Variants in ITGB8 observed in about 807,000 individuals in gnomAD.
ITGB8 encodes integrin subunit beta 8.
Under a neutral mutation model 89.5 loss-of-function variants are expected in ITGB8, and 30 were observed. The ratio of observed to expected loss-of-function variants is 0.34; its 90% CI spans 0.25 to 0.45. The LOEUF is 0.45. Ranked by LOEUF, ITGB8 falls within the 20% of genes least tolerant of loss-of-function variation. The pLI, the probability that ITGB8 is intolerant of heterozygous loss-of-function variation, is 1.00. For synonymous variants in ITGB8, 335 were observed against 320.4 expected, an observed-to-expected ratio of 1.05 and a Z score of -0.49; for missense variants, 836 against 933.3, an observed-to-expected ratio of 0.90 and a Z score of 1.36.
At chr7:20,409,188 C>A (rs901817199) in intron 12 of ITGB8, among the ~76,000 whole-genome samples, 6 of 152,204 alleles carry the variant, frequency 3.9e-5, no homozygotes, top group Non-Finnish European at 7.3e-5. Context: ...GAAACATATC[C>A]TAAGGCCCAG....
upstream of ITGB8, among the ~76,000 whole-genome samples, chr7:20,329,959 G>A (rs965950994): frequency 1.3e-5 from 2 of 152,076 alleles, no homozygotes; most frequent in Non-Finnish European, 2.9e-5. Flanking sequence ...CTAAATTTCT[G>A]AGCTGCAAGC....
intron 3 of ITGB8, among the ~76,000 whole-genome samples, chr7:20,370,634 G>A (rs973127310): frequency 3.8e-5 from 4 of 103,904 alleles, no homozygotes; most frequent in Non-Finnish European, 8.6e-5. Flanking sequence ...ATTTTGAGAC[G>A]GAGTCTCCCT....
At chr7:20,355,838 C>T (rs1785274437) in intron 1 of ITGB8, among the ~76,000 whole-genome samples, 1 of 152,214 alleles carries the variant, frequency 6.6e-6, no homozygotes, top group Non-Finnish European at 1.5e-5. Context: ...TTTTGAATTT[C>T]ATGAATATTG....
At position 20,380,870 on chromosome 7, in the gene ITGB8, C is replaced by A. The variant is rs11980644; in HGVS notation, c.801+39C>A. 6.5e-3 allele frequency: 9,955 copies of A among 1,525,216 alleles called. 529 individuals are homozygous for A. The African/African-American group carries it at 0.12, about 18-fold the overall frequency. 94.5% of individuals were successfully genotyped at this position (1,525,216 alleles called of 1,614,324 possible). A position where few individuals can be genotyped will look rare whatever the true frequency, so the allele number is the denominator to read the frequency against. On this transcript the variant is annotated intron_variant, in intron 5 of 13. Transcript: ENST00000222573. ...CATGATCGAGTGTTTGCTAAGATGC[C>A]AAACTTTCAAAGAATTTAGACGTTT...
At chr7:20,390,689 T>C (rs1459182655) in intron 6 of ITGB8, among the ~76,000 whole-genome samples, 1 of 152,110 alleles carries the variant, frequency 6.6e-6, no homozygotes, top group African/African-American at 2.4e-5. Flanking sequence ...GCTATTAGTT[T>C]TGATCACTTA....
chr7:20,401,125 C>T (rs868529080), intron 9 of ITGB8, among the ~76,000 whole-genome samples: 28 of 152,172 alleles, frequency 1.8e-4, no homozygotes, highest in African/African-American at 5.1e-4. Context: ...ACTACAGGTG[C>T]GCGCCACCAT....
At chr7:20,370,338 A>G (rs1785877754) in intron 3 of ITGB8, among the ~76,000 whole-genome samples, 2 of 151,736 alleles carry the variant, frequency 1.3e-5, no homozygotes, top group African/African-American at 4.8e-5. Flanking sequence ...AAGTCTTGAG[A>G]TAATTTTCTA....
rs780972981 is a variant in ITGB8 at position 20,380,814 on chromosome 7, C to G, written c.784C>G (p.Gln262Glu). ...TPEGGFDAML[Q>E]AAVCESHIGW... Reference sequence around the variant, plus strand: ...AGAAGGAGGTTTTGACGCCATGCTTCAGGCAGCTGTCTGTGAAGTAAGACG... The same window carrying G: ...AGAAGGAGGTTTTGACGCCATGCTTGAGGCAGCTGTCTGTGAAGTAAGACG... The change falls in exon 5 of 14, where the codon CAG becomes GAG. Residue 262 changes from glutamine (Q) to glutamate (E), a missense_variant. This residue lies in a region of ITGB8 where 192 missense variants were observed against 267.1 expected (regional missense o/e 0.72). Transcript: ENST00000222573. 2 of 1,612,468 alleles carry G rather than the reference C, an allele frequency of 1.2e-6. No individual in the cohort carries two copies. Among genetic ancestry groups the G allele is most frequent in the Non-Finnish European group, 1.7e-6 (2 of 1,179,184 alleles).
At chr7:20,399,753 A>G (rs1321411898) in intron 9 of ITGB8, among the ~76,000 whole-genome samples, 1 of 152,146 alleles carries the variant, frequency 6.6e-6, no homozygotes, top group Non-Finnish European at 1.5e-5. Context: ...GTCATGAGGC[A>G]TTGTCTCATG....
intron 1 of ITGB8, among the ~76,000 whole-genome samples, chr7:20,350,486 C>G (rs17364847): frequency 6.6e-6 from 1 of 152,042 alleles, no homozygotes; most frequent in Non-Finnish European, 1.5e-5. Context: ...CTATTATAAA[C>G]TGTATCTTAA....
At chr7:20,406,748 CAG>C (rs1787561229) in intron 12 of ITGB8, among the ~76,000 whole-genome samples, 1 of 152,058 alleles carries the variant, frequency 6.6e-6, no homozygotes, top group African/African-American at 2.4e-5. Context: ...AACTGAGGCT[CAG>C]GGAAATTTTG....
chr7:20,340,648 G>A (rs1393262097), intron 1 of ITGB8, among the ~76,000 whole-genome samples: 1 of 151,996 alleles, frequency 6.6e-6, no homozygotes, highest in Admixed American at 6.6e-5. Flanking sequence ...ATCTTTCCTT[G>A]GAATTGAACC....
At chr7:20,374,627 G>C (rs1456274128) in intron 3 of ITGB8, among the ~76,000 whole-genome samples, 4 of 152,160 alleles carry the variant, frequency 2.6e-5, no homozygotes, top group Non-Finnish European at 5.9e-5. Context: ...GCAGATTACT[G>C]AGTGGTGTCT....
At chr7:20,393,888 T>C (rs908079699) in intron 7 of ITGB8, among the ~76,000 whole-genome samples, 1 of 152,216 alleles carries the variant, frequency 6.6e-6, no homozygotes, top group Non-Finnish European at 1.5e-5. Context: ...AGGTATCCCT[T>C]TCATTAGGGT....
intron 1 of ITGB8, among the ~76,000 whole-genome samples, chr7:20,339,023 C>G (rs746401557): frequency 3.3e-4 from 50 of 152,114 alleles, no homozygotes; most frequent in Non-Finnish European, 5.9e-4. Flanking sequence ...GAAACCCTGT[C>G]TCTACTAAAA....
intron 3 of ITGB8, among the ~76,000 whole-genome samples, chr7:20,373,431 A>G (rs1335231926): frequency 6.6e-6 from 1 of 152,246 alleles, no homozygotes; most frequent in Non-Finnish European, 1.5e-5. Context: ...AATACAATGT[A>G]TATGATAAGG....
At chr7:20,405,328 T>TATATA (rs113047646) in intron 11 of ITGB8, among the ~76,000 whole-genome samples, 5,402 of 144,092 alleles carry the variant, frequency 0.037, 139 homozygotes, top group African/African-American at 0.071. Flanking sequence ...TATATATATA[T>TATATA]TTTTTTTTTG....
At chr7:20,358,569 G>A (rs13232403) in intron 1 of ITGB8, among the ~76,000 whole-genome samples, 36,510 of 151,880 alleles carry the variant, frequency 0.24, 4,894 homozygotes, top group Non-Finnish European at 0.29. Context: ...CACCTGGGTA[G>A]TTTTTGTATT....
intron 1 of ITGB8, among the ~76,000 whole-genome samples, chr7:20,333,216 T>C (rs1784468201): frequency 6.6e-6 from 1 of 152,170 alleles, no homozygotes; most frequent in African/African-American, 2.4e-5. Context: ...TTCTAATATT[T>C]GTTTCAGGGA....
Sources: allele counts gnomAD v4.1 joint callset (sites outside exome capture counted in the v4.1 genomes callset), GRCh38; gene constraint gnomAD v4.1.1; regional missense constraint gnomAD v4.1.1; transcripts MANE v1.5; gene names NCBI Gene and HGNC (gene_info 2026-07-23, HGNC 2026-07-21).